DENND2A: variants seen among roughly 807,000 people sequenced by gnomAD.
The protein encoded by DENND2A is DENN domain containing 2A, also known as DENN domain-containing protein 2A.
Under a neutral mutation model 105.3 loss-of-function variants are expected in DENND2A, and 53 were observed. The ratio of observed to expected loss-of-function variants is 0.50; its 90% CI spans 0.40 to 0.63. DENND2A has a LOEUF of 0.63. Among genes scored for constraint, DENND2A ranks in the 30% least tolerant of loss-of-function variants. The pLI, the probability that DENND2A is intolerant of heterozygous loss-of-function variation, is 0.00. For synonymous variants in DENND2A, 522 were observed against 508.4 expected, an observed-to-expected ratio of 1.03 and a Z score of -0.36; for missense variants, 1,138 against 1,279.6, an observed-to-expected ratio of 0.89 and a Z score of 1.69.
At chr7:140,585,512 C>G in intron 5 of DENND2A, 77 bp downstream of exon 5, 3 of 1,586,492 alleles carry the variant, frequency 1.9e-6, no homozygotes, top group Non-Finnish European at 2.6e-6. Context: ...AATTCCAGTG[C>G]TGGCCGGAAC....
At chr7:140,535,702 C>T (rs1796431899) in intron 14 of DENND2A, among the ~76,000 whole-genome samples, 1 of 152,078 alleles carries the variant, frequency 6.6e-6, no homozygotes. Flanking sequence ...CTATCTCAGC[C>T]TCCTGAGGAG....
intron 16 of DENND2A, among the ~76,000 whole-genome samples, chr7:140,525,109 G>T (rs1796009620): frequency 6.6e-6 from 1 of 150,440 alleles, no homozygotes; most frequent in African/African-American, 2.5e-5. Context: ...ATCACTTGAG[G>T]CCAGGAGTTT....
At chr7:140,628,536 C>A (rs1028746894) in intron 1 of DENND2A, among the ~76,000 whole-genome samples, 2 of 116,138 alleles carry the variant, frequency 1.7e-5, no homozygotes, top group Non-Finnish European at 3.5e-5. Context: ...AAATTTCTTT[C>A]TTTTTTTTTT....
chr7:140,528,503 C>T (rs2130472348), intron 14 of DENND2A, among the ~76,000 whole-genome samples: 1 of 152,098 alleles, frequency 6.6e-6, no homozygotes, highest in South Asian at 2.1e-4. Context: ...GGCACGGTGG[C>T]TCACGCCTGT....
chr7:140,629,498 G>A (rs1182444393), intron 1 of DENND2A, among the ~76,000 whole-genome samples: 1 of 152,180 alleles, frequency 6.6e-6, no homozygotes, highest in Non-Finnish European at 1.5e-5. Flanking sequence ...TGGGAGCCAG[G>A]GAGAAGACGG....
chr7:140,637,953 T>TCA (rs557439181), intron 1 of DENND2A, among the ~76,000 whole-genome samples: 44 of 152,318 alleles, frequency 2.9e-4, no homozygotes, highest in Admixed American at 2.3e-3. Flanking sequence ...GGCCCCATAC[T>TCA]CTGAGATGAC....
At chr7:140,623,779 T>C (rs1381560751) in intron 1 of DENND2A, among the ~76,000 whole-genome samples, 1 of 151,284 alleles carries the variant, frequency 6.6e-6, no homozygotes, top group Non-Finnish European at 1.5e-5. Context: ...TGCTGAACCC[T>C]TGAATTTAAA....
chr7:140,612,089 A>C (rs1280967072), intron 1 of DENND2A, among the ~76,000 whole-genome samples: 1 of 152,044 alleles, frequency 6.6e-6, no homozygotes, highest in Non-Finnish European at 1.5e-5. Flanking sequence ...AAAATACAAA[A>C]AATTAGCTGG....
rs572980450 is a variant in DENND2A, at chr7:140,550,652, G to A, written c.2038-3713C>T. 7.9e-5 allele frequency among the ~76,000 whole-genome samples: 12 copies of A among 152,084 alleles called. No homozygotes were observed. The South Asian group carries it at 1.9e-3, about 24-fold the overall frequency. The stretch of plus-strand genomic sequence containing the variant: ...AATTTTCGTAATTTTAGTAGAGATC[G>A]GGTTTCACCATGTTGGTCAGGCTGG... On this transcript the variant is annotated intron_variant, in intron 12 of 19. Transcript: ENST00000496613.
chr7:140,521,973 C>T lies in DENND2A; in HGVS notation c.2793G>A (p.Glu931=). The T allele has an allele frequency of 6.2e-7, 1 of 1,614,160 alleles. No homozygotes were observed. The highest frequency in any genetic ancestry group is 8.5e-7 in the Non-Finnish European group (1 of 1,180,036). The stretch of plus-strand genomic sequence containing the variant: ...TGGAGGAGACAGCTTTGCGGAAGGC[C>T]TCCCGCTGCAGGGTTCTCTCCTCAC... The part of the protein sequence containing the change: ...GEREERTLQR[E]AFRKAVSSKS... The change falls in exon 18 of 20, where the codon GAG becomes GAA. Residue 931 remains glutamate, a synonymous_variant. Transcript: ENST00000496613.
At position 140,573,823 on chromosome 7, in the gene DENND2A, C is replaced by T; in HGVS notation, c.1431G>A (p.Lys477=). The change falls in exon 6 of 20, where the codon AAG becomes AAA. Residue 477 remains lysine, a synonymous_variant. Coordinates refer to ENST00000496613, the MANE Select transcript of DENND2A (RefSeq NM_015689.5). ...NLGDPQNGRK[K]RKIPKLVLRI... ...CCACCATTACCTTGGGTATCTTTCT[C>T]TTCTTCCTGCCGTTCTGTGGGTCTC... 5.6e-6 allele frequency: 9 copies of T among 1,613,692 alleles called. No homozygotes were observed. The highest frequency in any genetic ancestry group is 6.8e-6 in the Non-Finnish European group (8 of 1,179,726).
Position 140,546,737 on chromosome 7 carries a change from C to T in DENND2A, c.2178+62G>A, listed in dbSNP as rs1053548796. 73 of 1,593,016 alleles carry T rather than the reference C, an allele frequency of 4.6e-5. No homozygotes were observed. In the Middle Eastern group the frequency reaches 5.4e-4, roughly 12 times the overall value. ...CACTGAAAGGCAGCCCCTCTGAGCACGGAGACTCGGCTGTCTGGGCCACTG... is the reference window on the plus strand; with the variant it reads ...CACTGAAAGGCAGCCCCTCTGAGCATGGAGACTCGGCTGTCTGGGCCACTG... On this transcript the variant is annotated intron_variant, in intron 13 of 19. Coordinates refer to ENST00000496613, the MANE Select transcript of DENND2A (RefSeq NM_015689.5).
At chr7:140,567,972 A>G (rs1797933732) in intron 8 of DENND2A, among the ~76,000 whole-genome samples, 1 of 151,614 alleles carries the variant, frequency 6.6e-6, no homozygotes, top group Non-Finnish European at 1.5e-5. Context: ...ATAGAGTCTC[A>G]CTCTGTTGCC....
rs986802009 is a variant in DENND2A, at chr7:140,544,501, A to G, written c.2327+117T>C. On this transcript the variant is annotated intron_variant, in intron 14 of 19. Transcript: ENST00000496613. ...TGAGTCACCGCGCCCAGCCTATTCCATCCTTATCTCAGAAGGGCTTACTCT... is the reference window on the plus strand; with the variant it reads ...TGAGTCACCGCGCCCAGCCTATTCCGTCCTTATCTCAGAAGGGCTTACTCT... 66 of 1,389,152 alleles carry G rather than the reference A, an allele frequency of 4.8e-5. No individual in the cohort carries two copies. In the East Asian group the frequency reaches 9.5e-4, roughly 20 times the overall value. 86.1% of individuals were successfully genotyped at this position (1,389,152 alleles called of 1,614,324 possible). A position where few individuals can be genotyped will look rare whatever the true frequency, so the allele number is the denominator to read the frequency against.
At chr7:140,550,125 G>T (rs1005935774) in intron 12 of DENND2A, among the ~76,000 whole-genome samples, 6 of 143,610 alleles carry the variant, frequency 4.2e-5, no homozygotes, top group African/African-American at 1.5e-4. Flanking sequence ...TTAGGGGAGG[G>T]GATAGGGGTG....
intron 17 of DENND2A, 75 bp from the exon 18 acceptor site, chr7:140,522,175 G>A (rs1442737584): frequency 4.0e-5 from 62 of 1,559,830 alleles, no homozygotes; most frequent in Non-Finnish European, 4.9e-5. Context: ...CAAGCCAATT[G>A]GTAATCAAAG....
chr7:140,617,995 G>A (rs1585766282), intron 1 of DENND2A, among the ~76,000 whole-genome samples: 1 of 152,280 alleles, frequency 6.6e-6, no homozygotes, highest in East Asian at 1.9e-4. Context: ...GACAATATTT[G>A]CAAATCATGC....
chr7:140,568,712 G>A (rs747392784), intron 8 of DENND2A, 51 bp downstream of exon 8: 2 of 1,600,772 alleles, frequency 1.2e-6, no homozygotes, highest in South Asian at 2.2e-5. Flanking sequence ...GGCCACCTTT[G>A]CAGCTTCCAA....
intron 3 of DENND2A, among the ~76,000 whole-genome samples, chr7:140,596,236 G>A (rs533133902): frequency 5.3e-5 from 8 of 152,276 alleles, no homozygotes; most frequent in Admixed American, 2.6e-4. Flanking sequence ...AGCAAGCACC[G>A]TCTCTCTGTT....
Sources: allele counts gnomAD v4.1 joint callset (sites outside exome capture counted in the v4.1 genomes callset), GRCh38; gene constraint gnomAD v4.1.1; transcripts MANE v1.5; gene names NCBI Gene and HGNC (gene_info 2026-07-23, HGNC 2026-07-21).